RNF212B: variants seen among roughly 807,000 people sequenced by gnomAD.
RNF212B encodes the protein E3 ubiquitin-protein ligase RNF212B.
A neutral mutation model predicts 55.5 loss-of-function variants in RNF212B; 52 were observed. The ratio of observed to expected loss-of-function variants is 0.94; its 90% confidence interval spans 0.75 to 1.18. The LOEUF is 1.18. RNF212B is among the 50% of genes most tolerant of loss of function. RNF212B has a pLI of 0.00. For synonymous variants in RNF212B, 99 were observed against 121.4 expected, an observed-to-expected ratio of 0.82 and a Z score of 1.21; for missense variants, 289 against 350.4, an observed-to-expected ratio of 0.82 and a Z score of 1.40.
chr14:23,264,380 C>A, intron 10 of RNF212B, 146 bp downstream of exon 10: 1 of 736,828 alleles, frequency 1.4e-6, no homozygotes. Flanking sequence ...GCAATGGAGA[C>A]CTGATATTAG....
chr14:23,255,191 C>T (rs984588010), intron 4 of RNF212B, among the ~76,000 whole-genome samples: 1 of 152,216 alleles, frequency 6.6e-6, no homozygotes, highest in Non-Finnish European at 1.5e-5. Flanking sequence ...CTTTCTTCAG[C>T]CCTTTTCTGC....
chr14:23,196,820 T>A (rs1419039894), intron 2 of RNF212B, among the ~76,000 whole-genome samples: 1 of 152,196 alleles, frequency 6.6e-6, no homozygotes, highest in Admixed American at 6.5e-5. Flanking sequence ...TCACTGCTAT[T>A]CATCCTTCTG....
At chr14:23,240,897 T>G (rs1003741313) in intron 2 of RNF212B, among the ~76,000 whole-genome samples, 23 of 152,160 alleles carry the variant, frequency 1.5e-4, no homozygotes, top group Admixed American at 1.2e-3. Context: ...TCAACCAATT[T>G]TATGTAAGCC....
At chr14:23,260,814 A>G in intron 7 of RNF212B, 127 bp downstream of exon 7, 1 of 847,056 alleles carries the variant, frequency 1.2e-6, no homozygotes, top group Non-Finnish European at 1.9e-6. Context: ...TCTCCGAGGA[A>G]GAGTTAGTTA....
rs570844885 is a variant in RNF212B, at chr14:23,210,733, C to T, written c.-2+17332C>T. ...TGGAGGTTGCAGTGAGCCAGGATCA[C>T]GCCATTGCCCTCCAGTCCAGGTGAC... On this transcript the variant is annotated intron_variant, in intron 2 of 15. Transcript: ENST00000399910. Among the ~76,000 whole-genome samples the T allele has an allele frequency of 2.5e-4, 37 of 145,516 alleles. 1 individual carries two copies. In the East Asian group the frequency reaches 5.5e-3, roughly 21 times the overall value.
chr14:23,233,256 G>T (rs1882846734), upstream of RNF212B, among the ~76,000 whole-genome samples: 1 of 152,112 alleles, frequency 6.6e-6, no homozygotes. Context: ...AGTACCCAGC[G>T]ACACAAACAC....
chr14:23,230,818 CT>C, intron 2 of RNF212B, among the ~76,000 whole-genome samples: 1 of 152,042 alleles, frequency 6.6e-6, no homozygotes, highest in Non-Finnish European at 1.5e-5. Context: ...AAGGATTCAA[CT>C]TTATTCTTTT....
At chr14:23,262,625 C>T (rs1046348857) in intron 7 of RNF212B, 40 bp from the exon 8 acceptor site, 3 of 1,540,136 alleles carry the variant, frequency 1.9e-6, no homozygotes, top group Admixed American at 2.0e-5. Context: ...TGACCTCTGC[C>T]TAGAGAGATT....
At chr14:23,189,106 A>T (rs1374988419) in intron 1 of RNF212B, among the ~76,000 whole-genome samples, 1 of 152,194 alleles carries the variant, frequency 6.6e-6, no homozygotes, top group Non-Finnish European at 1.5e-5. Flanking sequence ...CACTGCCAGC[A>T]ATCCTACCAC....
chr14:23,266,849 C>T (rs907956921), intron 11 of RNF212B, among the ~76,000 whole-genome samples: 13 of 152,162 alleles, frequency 8.5e-5, no homozygotes, highest in Admixed American at 3.9e-4. Context: ...GCTAGTATAT[C>T]GTGTTGTTCA....
intron 2 of RNF212B, among the ~76,000 whole-genome samples, chr14:23,230,858 T>C (rs1249670412): frequency 6.6e-6 from 1 of 152,136 alleles, no homozygotes; most frequent in Non-Finnish European, 1.5e-5. Flanking sequence ...CCCAGCACTG[T>C]TTGTTGCAGA....
At chr14:23,217,677 G>A (rs1881220877) in intron 2 of RNF212B, among the ~76,000 whole-genome samples, 1 of 152,072 alleles carries the variant, frequency 6.6e-6, no homozygotes, top group East Asian at 1.9e-4. Context: ...CCACCAAGGT[G>A]GTACTTCTAT....
chr14:23,243,433 G>A (rs138917685), intron 3 of RNF212B, 125 bp downstream of exon 3: 9 of 878,842 alleles, frequency 1.0e-5, no homozygotes, highest in African/African-American at 1.0e-4. Flanking sequence ...TGGTGGCTCA[G>A]GCCTGTAATC....
rs574298590 is a variant in RNF212B at position 23,241,939 on chromosome 14, G to A, written c.101-1317G>A. On this transcript the variant is annotated intron_variant, in intron 2 of 14. Coordinates refer to ENST00000430154, the MANE Select transcript of RNF212B (RefSeq NM_001282322.3). The stretch of plus-strand genomic sequence containing the variant: ...CTACTAAAACTACAAAAAATTAGCC[G>A]GGCATGGTGGCGGGCGCCTATGGTC... Among the ~76,000 whole-genome samples, 89 of 151,308 alleles carry A rather than the reference G, an allele frequency of 5.9e-4. 1 individual carries two copies. In the South Asian group the frequency reaches 0.015, roughly 26 times the overall value.
intron 4 of RNF212B, among the ~76,000 whole-genome samples, chr14:23,252,133 C>T (rs762988875): frequency 1.4e-4 from 21 of 152,066 alleles, no homozygotes; most frequent in Non-Finnish European, 2.9e-4. Flanking sequence ...ACCCTCTAAA[C>T]AGTGTTTGGT....
chr14:23,229,543 TA>T (rs887141450), intron 2 of RNF212B, among the ~76,000 whole-genome samples: 3 of 152,084 alleles, frequency 2.0e-5, no homozygotes, highest in Admixed American at 1.3e-4. Flanking sequence ...CATATCCTCC[TA>T]AAACATATTT....
chr14:23,189,083 A>G (rs1877870214), intron 1 of RNF212B, among the ~76,000 whole-genome samples: 2 of 152,184 alleles, frequency 1.3e-5, no homozygotes, highest in Non-Finnish European at 2.9e-5. Flanking sequence ...ACAGATCTCA[A>G]GCAGGCCCTT....
At chr14:23,198,477 C>T (rs1045338028) in intron 2 of RNF212B, among the ~76,000 whole-genome samples, 1 of 151,962 alleles carries the variant, frequency 6.6e-6, no homozygotes, top group Non-Finnish European at 1.5e-5. Flanking sequence ...GTCAGGAGAC[C>T]TGCCTAGCCA....
intron 2 of RNF212B, among the ~76,000 whole-genome samples, chr14:23,214,530 ATTAAT>A (rs1306392721): frequency 1.3e-5 from 2 of 151,914 alleles, no homozygotes; most frequent in East Asian, 1.9e-4. Flanking sequence ...TTAAAATTAA[ATTAAT>A]TTAATTTAAA....
Sources: gnomAD v4.1 joint callset for allele counts (sites outside exome capture counted in the v4.1 genomes callset) on GRCh38, gnomAD v4.1.1 for gene constraint, MANE v1.5 for transcripts, NCBI Gene and HGNC (gene_info 2026-07-23, HGNC 2026-07-21) for gene names.